Variants in TTC17 observed in about 807,000 individuals in gnomAD.
The protein encoded by TTC17 is tetratricopeptide repeat domain 17.
TTC17 carries 58 observed loss-of-function variants against 143.8 expected under a neutral mutation model. The ratio of observed to expected loss-of-function variants is 0.40; its 90% CI spans 0.33 to 0.50. The LOEUF (loss-of-function observed/expected upper bound fraction) is 0.50, where lower values mean the gene tolerates loss of function less well. Among genes scored for constraint, TTC17 ranks in the 20% least tolerant of loss-of-function variants. TTC17 has a pLI of 0.49. For synonymous variants in TTC17, 501 were observed against 497.8 expected, an observed-to-expected ratio of 1.01 and a Z score of -0.09; for missense variants, 1,273 against 1,392.5, an observed-to-expected ratio of 0.91 and a Z score of 1.37.
chr11:43,452,185 G>C (rs1398158606), intron 21 of TTC17, among the ~76,000 whole-genome samples: 1 of 152,128 alleles, frequency 6.6e-6, no homozygotes, highest in Non-Finnish European at 1.5e-5. Context: ...AAACAGAGCA[G>C]ACACAGCACT....
At chr11:43,460,762 A>G (rs1298999883) in intron 21 of TTC17, among the ~76,000 whole-genome samples, 1 of 152,128 alleles carries the variant, frequency 6.6e-6, no homozygotes, top group Non-Finnish European at 1.5e-5. Flanking sequence ...CTGGGGCCTC[A>G]ACTGGGGTGG....
intron 16 of TTC17, among the ~76,000 whole-genome samples, chr11:43,417,525 G>A (rs1946804587): frequency 6.6e-6 from 1 of 152,102 alleles, no homozygotes; most frequent in South Asian, 2.1e-4. Context: ...GAGATTGCTG[G>A]CTGGGTCACA....
In TTC17 at chr11:43,494,699, T is replaced by C. The variant is rs1177574169; in HGVS notation, c.*795T>C. 1.3e-5 allele frequency: 2 copies of C among 152,198 alleles called. No individual in the cohort carries two copies. The highest frequency in any genetic ancestry group is 4.8e-5 in the African/African-American group (2 of 41,448). 9.4% of individuals were successfully genotyped at this position (152,198 alleles called of 1,614,324 possible). On this transcript the variant is annotated 3_prime_UTR_variant, in exon 24 of 24. Transcript: ENST00000039989. ...TTTGAAGCCCTCTACAGACTGAGTC[T>C]ATGTTTTACTAATTCTTTGTTCACT...
chr11:43,436,067 T>C (rs1307309377), intron 16 of TTC17: 2 of 1,082,900 alleles, frequency 1.8e-6, no homozygotes, highest in South Asian at 4.8e-5. Context: ...ACCGGCATTG[T>C]CACATTTTTG....
At chr11:43,409,406 G>T (rs770847234) in intron 15 of TTC17, among the ~76,000 whole-genome samples, 12 of 152,116 alleles carry the variant, frequency 7.9e-5, no homozygotes, top group Non-Finnish European at 1.5e-4. Flanking sequence ...CACTAAAATG[G>T]TTGGGCCAGT....
At chr11:43,398,505 A>G (rs1477536108) in intron 8 of TTC17, among the ~76,000 whole-genome samples, 2 of 152,282 alleles carry the variant, frequency 1.3e-5, no homozygotes, top group Non-Finnish European at 1.5e-5. Context: ...TACATGTGCA[A>G]TAGTTGATAT....
At chr11:43,418,241 T>A (rs1291046983) in intron 16 of TTC17, among the ~76,000 whole-genome samples, 1 of 152,242 alleles carries the variant, frequency 6.6e-6, no homozygotes, top group African/African-American at 2.4e-5. Context: ...ATTCATGTGT[T>A]CTTATAGCAG....
At chr11:43,478,293 A>G (rs919497305) in intron 21 of TTC17, among the ~76,000 whole-genome samples, 1 of 152,224 alleles carries the variant, frequency 6.6e-6, no homozygotes. Context: ...TTAGATTGTG[A>G]TTCAAACTGT....
intron 9 of TTC17, among the ~76,000 whole-genome samples, chr11:43,400,940 A>G (rs1857826325): frequency 6.6e-6 from 1 of 152,206 alleles, no homozygotes; most frequent in African/African-American, 2.4e-5. Flanking sequence ...AAGCCTCTTA[A>G]CCTTTGGCAC....
chr11:43,480,857 T>A (rs1948272024), intron 21 of TTC17, among the ~76,000 whole-genome samples: 1 of 136,302 alleles, frequency 7.3e-6, no homozygotes. Flanking sequence ...AAGAAGAGGA[T>A]GAGCCAAAAA....
At chr11:43,436,884 G>C (rs1947305157) in intron 16 of TTC17, among the ~76,000 whole-genome samples, 2 of 152,008 alleles carry the variant, frequency 1.3e-5, no homozygotes, top group South Asian at 4.2e-4. Context: ...AATATCACTT[G>C]CTCTTAGCTT....
rs149266307 is a variant in TTC17 at position 43,481,558 on chromosome 11, G to C, written c.3031-8681G>C. 2.3e-3 allele frequency among the ~76,000 whole-genome samples: 351 copies of C among 152,234 alleles called. 1 individual carries two copies. Among genetic ancestry groups the C allele is most frequent in the Non-Finnish European group, 3.8e-3 (259 of 68,000 alleles). The stretch of plus-strand genomic sequence containing the variant: ...AATTATAGCTCTAATATCTTTAATA[G>C]ATCTAGGGCTATTCAAATTATCTCT... On this transcript the variant is annotated intron_variant, in intron 21 of 23. Coordinates refer to ENST00000039989, the MANE Select transcript of TTC17 (RefSeq NM_018259.6).
chr11:43,448,082 A>T lies in TTC17; in HGVS notation c.2746A>T (p.Ile916Phe), dbSNP rs761395076. 1.9e-6 allele frequency: 3 copies of T among 1,614,172 alleles called. No individual in the cohort carries two copies. The highest frequency in any genetic ancestry group is 2.2e-5 in the South Asian group (2 of 91,080). The change falls in exon 19 of 24, where the codon ATC becomes TTC. Residue 916 changes from isoleucine (I) to phenylalanine (F), a missense_variant. By Grantham distance (21) the Ile-to-Phe change is conservative. Coordinates refer to ENST00000039989, the MANE Select transcript of TTC17 (RefSeq NM_018259.6). Reference sequence around the variant, plus strand: ...ACTCCGCTGGGTAGAGCTGACTGCCATCGTGAGTACCTGGCTTGCAGTTTC... The same window carrying T: ...ACTCCGCTGGGTAGAGCTGACTGCCTTCGTGAGTACCTGGCTTGCAGTTTC... ...LKLRWVELTA[I>F]VSTWLAVSSK...
At chr11:43,456,053 A>G (rs773839023) in intron 21 of TTC17, among the ~76,000 whole-genome samples, 13 of 152,174 alleles carry the variant, frequency 8.5e-5, no homozygotes, top group Non-Finnish European at 1.8e-4. Flanking sequence ...GGAAACCGTT[A>G]ATATCCTTCA....
intron 1 of TTC17, among the ~76,000 whole-genome samples, chr11:43,363,439 T>C (rs1856197099): frequency 6.6e-6 from 1 of 152,224 alleles, no homozygotes; most frequent in African/African-American, 2.4e-5. Context: ...TGTTACCAGT[T>C]TGTTAGTTGT....
intron 1 of TTC17, among the ~76,000 whole-genome samples, chr11:43,366,105 CGAGTAGCTG>C (rs572421437): frequency 1.3e-5 from 2 of 151,964 alleles, no homozygotes; most frequent in Non-Finnish European, 2.9e-5. Context: ...CTCAGCCTCC[CGAGTAGCTG>C]GGACTAGTTC....
At chr11:43,362,393 G>T (rs1856153140) in intron 1 of TTC17, among the ~76,000 whole-genome samples, 1 of 152,090 alleles carries the variant, frequency 6.6e-6, no homozygotes, top group Non-Finnish European at 1.5e-5. Context: ...TATATTTCAA[G>T]GTTTAGCAGA....
At chr11:43,368,191 T>G (rs1856423163) in intron 1 of TTC17, among the ~76,000 whole-genome samples, 1 of 152,120 alleles carries the variant, frequency 6.6e-6, no homozygotes. Flanking sequence ...CCCCTTTTCT[T>G]CCCTCTGTAC....
chr11:43,407,428 A>C lies in TTC17; in HGVS notation c.1915A>C (p.Ile639Leu), dbSNP rs528325324. The C allele has an allele frequency of 2.2e-5, 36 of 1,613,936 alleles. 1 individual carries two copies. In the South Asian group the frequency reaches 3.7e-4, roughly 17 times the overall value. Reference protein sequence around the residue: ...WRAVGNSTFAIACLQRALNLA... With the variant: ...WRAVGNSTFALACLQRALNLA... ...AGCAGTAGGAAATAGCACTTTTGCT[A>C]TTGCCTGTCTTCAGAGGGCTTTGAA... The change falls in exon 15 of 24, where the codon ATT becomes CTT. Residue 639 changes from isoleucine (I) to leucine (L), a missense_variant. By Grantham distance (5) the Ile-to-Leu change is conservative. Transcript: ENST00000039989.
Sources: gnomAD v4.1 joint callset for allele counts (sites outside exome capture counted in the v4.1 genomes callset) on GRCh38, gnomAD v4.1.1 for gene constraint, MANE v1.5 for transcripts, NCBI Gene and HGNC (gene_info 2026-07-23, HGNC 2026-07-21) for gene names.